Variants in ZDHHC3 observed in about 807,000 individuals in gnomAD.
The protein encoded by ZDHHC3 is zDHHC palmitoyltransferase 3, also known as palmitoyltransferase ZDHHC3.
In ZDHHC3, 9 loss-of-function variants were observed where a neutral mutation model predicts 30.6. The observed-to-expected ratio is 0.29, with a 90% CI of 0.18 to 0.51. The LOEUF is 0.51. ZDHHC3 is among the 20% of genes least tolerant of loss of function. ZDHHC3 has a pLI of 0.97. For missense variants in ZDHHC3, 246 were observed against 384.2 expected, an observed-to-expected ratio of 0.64 and a Z score of 3.01; for synonymous variants, 136 against 140.2, an observed-to-expected ratio of 0.97 and a Z score of 0.21.
chr3:44,932,345 T>C (rs971332836), intron 5 of ZDHHC3, among the ~76,000 whole-genome samples: 1 of 152,086 alleles, frequency 6.6e-6, no homozygotes, highest in African/African-American at 2.4e-5. Flanking sequence ...TCAGCATGTA[T>C]AGGAAGAGCA....
chr3:44,940,616 C>T (rs1044240510), intron 3 of ZDHHC3, among the ~76,000 whole-genome samples: 5 of 152,170 alleles, frequency 3.3e-5, no homozygotes, highest in African/African-American at 1.2e-4. Context: ...TGCATCCTGG[C>T]CTTCCAGGTT....
At chr3:44,938,821 G>A (rs529148683) in intron 3 of ZDHHC3, among the ~76,000 whole-genome samples, 30 of 152,302 alleles carry the variant, frequency 2.0e-4, no homozygotes, top group African/African-American at 7.0e-4. Context: ...AAGACTACCC[G>A]GAAACAGTCC....
At chr3:44,934,124 T>A in intron 3 of ZDHHC3, 140 bp from the exon 4 acceptor site, 1 of 799,950 alleles carries the variant, frequency 1.3e-6, no homozygotes. Context: ...GCTGGGTGTG[T>A]GTCACGTGGG....
chr3:44,956,733 T>C (rs1164777372), intron 2 of ZDHHC3, among the ~76,000 whole-genome samples: 4 of 152,158 alleles, frequency 2.6e-5, no homozygotes, highest in Non-Finnish European at 4.4e-5. Context: ...AGCCACACCA[T>C]GTCTTGCCCG....
chr3:44,958,010 T>A (rs1704103799), intron 2 of ZDHHC3, among the ~76,000 whole-genome samples: 1 of 152,208 alleles, frequency 6.6e-6, no homozygotes, highest in African/African-American at 2.4e-5. Context: ...CTCTTTCATA[T>A]CCTTGTGTTT....
chr3:44,958,249 C>G (rs1346436286), intron 2 of ZDHHC3, among the ~76,000 whole-genome samples: 10 of 152,150 alleles, frequency 6.6e-5, no homozygotes, highest in East Asian at 5.8e-4. Flanking sequence ...CCTGAACCGG[C>G]AGGAAATGGA....
At chr3:44,938,560 T>C (rs999269408) in intron 3 of ZDHHC3, 4 of 152,472 alleles carry the variant, frequency 2.6e-5, no homozygotes, top group African/African-American at 9.6e-5. Flanking sequence ...AAAAAGTTCC[T>C]TAGTTCACAC....
chr3:44,950,981 A>G (rs940682737), intron 2 of ZDHHC3, among the ~76,000 whole-genome samples: 20 of 152,198 alleles, frequency 1.3e-4, no homozygotes, highest in African/African-American at 4.6e-4. Context: ...CACTGACTTT[A>G]TCTCTCTCAT....
In ZDHHC3 at chr3:44,919,672, A is replaced by C. The variant is rs1700458639; in HGVS notation, c.*7017T>G. On this transcript the variant is annotated 3_prime_UTR_variant, in exon 7 of 7. Transcript: ENST00000424952. ...AGGGTGTTAATGGGACAACTGGAGA[A>C]ATGTGAATAAGGTACATACATTAGT... Among the ~76,000 whole-genome samples the C allele has an allele frequency of 6.6e-6, 1 of 152,216 alleles. No homozygotes were observed.
rs959414369 is a variant in ZDHHC3, at chr3:44,924,385, G to A, written c.*2304C>T. On this transcript the variant is annotated 3_prime_UTR_variant, in exon 7 of 7. Transcript: ENST00000424952. ...ATAGGAAAAATGCCAGGAACCTTGG[G>A]GTATTCCTATCTTCTGAGAGCAACT... is the stretch of plus-strand genomic sequence containing the variant. 36 of 985,224 alleles carry A rather than the reference G, an allele frequency of 3.7e-5. No individual in the cohort carries two copies. Among genetic ancestry groups the A allele is most frequent in the Non-Finnish European group, 4.2e-5 (35 of 829,918 alleles). 61.0% of individuals were successfully genotyped at this position (985,224 alleles called of 1,614,324 possible).
intron 1 of ZDHHC3, among the ~76,000 whole-genome samples, chr3:44,960,438 T>C (rs570843234): frequency 6.6e-6 from 1 of 152,312 alleles, no homozygotes; most frequent in South Asian, 2.1e-4. Flanking sequence ...CTGAAACAAG[T>C]GCTGAGCAAA....
chr3:44,945,750 G>T (rs1388433148), intron 2 of ZDHHC3, among the ~76,000 whole-genome samples: 1 of 151,824 alleles, frequency 6.6e-6, no homozygotes, highest in East Asian at 1.9e-4. Context: ...GTAGAGATGG[G>T]GTTTCACCAT....
intron 2 of ZDHHC3, chr3:44,958,723 G>C (rs944548145): frequency 6.6e-7 from 1 of 1,506,682 alleles, no homozygotes; most frequent in Non-Finnish European, 8.9e-7. Flanking sequence ...AGTCCACCTA[G>C]CTCCAGCACT....
At chr3:44,967,421 C>T (rs1258748645) in intron 1 of ZDHHC3, among the ~76,000 whole-genome samples, 1 of 152,190 alleles carries the variant, frequency 6.6e-6, no homozygotes, top group Non-Finnish European at 1.5e-5. Context: ...TAGTGGTTCA[C>T]ATCTGCAATC....
At chr3:44,962,386 G>C (rs1156751428) in intron 1 of ZDHHC3, among the ~76,000 whole-genome samples, 1 of 152,102 alleles carries the variant, frequency 6.6e-6, no homozygotes, top group African/African-American at 2.4e-5. Context: ...TGAGGAATAA[G>C]CCCTTCCACG....
At chr3:44,941,737 A>G (rs1157036041) in intron 3 of ZDHHC3, among the ~76,000 whole-genome samples, 1 of 150,244 alleles carries the variant, frequency 6.7e-6, no homozygotes, top group Non-Finnish European at 1.5e-5. Flanking sequence ...ATACACTAAC[A>G]CTAACAACAG....
At position 44,922,771 on chromosome 3, in the gene ZDHHC3, G is replaced by T. The variant is rs893007157; in HGVS notation, c.*3918C>A. The stretch of plus-strand genomic sequence containing the variant: ...TTCGGTAGCCTGGGGTGGGGACCGA[G>T]AATGTGCATTTCTAACAAGTTCTCA... On this transcript the variant is annotated 3_prime_UTR_variant, in exon 7 of 7. Transcript: ENST00000424952. 1.0e-6 allele frequency: 1 copy of T among 984,708 alleles called. No homozygotes were observed. Among genetic ancestry groups the T allele is most frequent in the African/African-American group, 1.7e-5 (1 of 57,230 alleles). The allele number at this position is 984,708 out of a possible 1,614,324, so 61.0% of individuals were successfully genotyped here. A position where few individuals can be genotyped will look rare whatever the true frequency, so the allele number is the denominator to read the frequency against.
At chr3:44,929,144 G>A (rs936103745) in intron 6 of ZDHHC3, among the ~76,000 whole-genome samples, 162 bp downstream of exon 6, 2 of 152,222 alleles carry the variant, frequency 1.3e-5, no homozygotes, top group Non-Finnish European at 2.9e-5. Flanking sequence ...GTGTGTGGAT[G>A]AAGATGACCC....
At position 44,921,543 on chromosome 3, in the gene ZDHHC3, G is replaced by C. The variant is rs1575754072; in HGVS notation, c.*5146C>G. The C allele has an allele frequency of 2.0e-6, 2 of 985,236 alleles. No homozygotes were observed. The highest frequency in any genetic ancestry group is 9.4e-5 in the South Asian group (2 of 21,296). The allele number at this position is 985,236 out of a possible 1,614,324, so 61.0% of individuals were successfully genotyped here. On this transcript the variant is annotated 3_prime_UTR_variant, in exon 7 of 7. Transcript: ENST00000424952. ...ATTAAACATTTTTCTTGAAAAACAT[G>C]CTGGTTGCAAACCATGAATGGCTGT...
Sources: gnomAD v4.1 joint callset for allele counts (sites outside exome capture counted in the v4.1 genomes callset) on GRCh38, gnomAD v4.1.1 for gene constraint, MANE v1.5 for transcripts, NCBI Gene and HGNC (gene_info 2026-07-23, HGNC 2026-07-21) for gene names.